Variants in JAM3 observed in about 807,000 individuals in gnomAD.
The protein encoded by JAM3 is junctional adhesion molecule C.
In JAM3, 31 loss-of-function variants were observed where a neutral mutation model predicts 39.4. The observed-to-expected ratio is 0.79, with a 90% confidence interval of 0.59 to 1.06. The LOEUF is 1.06. Ranked by LOEUF, JAM3 falls within the 50% of genes least tolerant of loss-of-function variation. The pLI, the probability that JAM3 is intolerant of heterozygous loss-of-function variation, is 0.00. For synonymous variants in JAM3, 182 were observed against 148.7 expected (o/e 1.22, Z -1.63); for missense variants, 455 against 391.4 (o/e 1.16, Z -1.37).
chr11:134,074,753 G>T (rs1284628300), intron 1 of JAM3, among the ~76,000 whole-genome samples: 1 of 152,124 alleles, frequency 6.6e-6, no homozygotes, highest in African/African-American at 2.4e-5. Context: ...GAAGATCTCT[G>T]TTTTCTTCCT....
chr11:134,107,922 A>C (rs1350529989), intron 1 of JAM3, among the ~76,000 whole-genome samples: 1 of 152,106 alleles, frequency 6.6e-6, no homozygotes, highest in African/African-American at 2.4e-5. Context: ...ACATATTCAA[A>C]GTAAGCAGAA....
intron 1 of JAM3, among the ~76,000 whole-genome samples, chr11:134,104,501 T>A (rs1942142524): frequency 6.6e-6 from 1 of 151,664 alleles, no homozygotes; most frequent in Non-Finnish European, 1.5e-5. Flanking sequence ...AAGAAATAAC[T>A]AAGATCAGAG....
intron 8 of JAM3, 137 bp downstream of exon 8, chr11:134,148,955 A>AAAACAC: frequency 2.9e-6 from 2 of 688,778 alleles, no homozygotes; most frequent in Non-Finnish European, 5.1e-6. Context: ...CCTTCACAGT[A>AAAACAC]ACACACACAC....
At chr11:134,122,217 G>A (rs1308469619) in intron 1 of JAM3, among the ~76,000 whole-genome samples, 5 of 152,114 alleles carry the variant, frequency 3.3e-5, no homozygotes, top group Admixed American at 6.6e-5. Context: ...ACAAGGTCCC[G>A]GTCTGTTCCT....
rs936655460 is a variant in JAM3, at chr11:134,132,478, A to G, written c.77-7373A>G. 2.1e-4 allele frequency among the ~76,000 whole-genome samples: 32 copies of G among 152,344 alleles called. No homozygotes were observed. In the East Asian group the frequency reaches 6.0e-3, roughly 28 times the overall value. On this transcript the variant is annotated intron_variant, in intron 1 of 8. Coordinates refer to ENST00000299106, the MANE Select transcript of JAM3 (RefSeq NM_032801.5). ...TACTTAGACAATAATTCGAAGGTGT[A>G]TGAAGATATTAAGATCTCCGATAAA...
intron 1 of JAM3, among the ~76,000 whole-genome samples, chr11:134,119,232 C>T (rs993133506): frequency 6.6e-6 from 1 of 151,930 alleles, no homozygotes; most frequent in African/African-American, 2.4e-5. Context: ...GGCAAGAAGT[C>T]TTTGGTGGTT....
chr11:134,092,516 C>T (rs985131568), intron 1 of JAM3, among the ~76,000 whole-genome samples: 4 of 146,046 alleles, frequency 2.7e-5, no homozygotes, highest in Admixed American at 2.7e-4. Context: ...TTCTCCTGAG[C>T]CCTCTTTATT....
chr11:134,114,176 G>T (rs1483519374), intron 1 of JAM3, among the ~76,000 whole-genome samples: 3 of 152,164 alleles, frequency 2.0e-5, no homozygotes, highest in Non-Finnish European at 4.4e-5. Context: ...TTCTTTTGCT[G>T]TGCAGAAGCT....
chr11:134,090,303 A>G (rs963130329), intron 1 of JAM3, among the ~76,000 whole-genome samples: 1 of 152,126 alleles, frequency 6.6e-6, no homozygotes, highest in Non-Finnish European at 1.5e-5. Flanking sequence ...GAAGCTCTTT[A>G]GTTTAATTAG....
chr11:134,135,223 A>G (rs1942842880), intron 1 of JAM3, among the ~76,000 whole-genome samples: 1 of 152,230 alleles, frequency 6.6e-6, no homozygotes, highest in Non-Finnish European at 1.5e-5. Context: ...TAACTTCATC[A>G]TTGTGCATGT....
chr11:134,092,958 C>T (rs528487647), intron 1 of JAM3, among the ~76,000 whole-genome samples: 3 of 150,256 alleles, frequency 2.0e-5, no homozygotes, highest in African/African-American at 7.4e-5. Flanking sequence ...CATGTCACTC[C>T]CTGAGAGAAG....
chr11:134,140,850 C>T (rs891171150), intron 3 of JAM3, 80 bp downstream of exon 3: 34 of 1,536,374 alleles, frequency 2.2e-5, no homozygotes, highest in Middle Eastern at 3.8e-4. Context: ...CAGAAACTTA[C>T]CTCAGACTGG....
chr11:134,116,790 A>G (rs894586494), intron 1 of JAM3, among the ~76,000 whole-genome samples: 2 of 152,186 alleles, frequency 1.3e-5, no homozygotes, highest in South Asian at 4.2e-4. Flanking sequence ...CCACGTATAC[A>G]CACATATCTA....
chr11:134,118,173 G>T (rs1027256779), intron 1 of JAM3, among the ~76,000 whole-genome samples: 1 of 152,152 alleles, frequency 6.6e-6, no homozygotes, highest in African/African-American at 2.4e-5. Flanking sequence ...CACATGTTCT[G>T]TGTTTAGTCA....
intron 3 of JAM3, 85 bp from the exon 4 acceptor site, chr11:134,144,156 C>G: frequency 1.5e-6 from 2 of 1,337,262 alleles, no homozygotes; most frequent in African/African-American, 2.9e-5. Context: ...GCTGTGGCAT[C>G]TAGTGCTAGC....
chr11:134,143,344 G>T (rs941997138), intron 3 of JAM3, among the ~76,000 whole-genome samples: 8 of 152,102 alleles, frequency 5.3e-5, no homozygotes, highest in African/African-American at 7.2e-5. Flanking sequence ...GATGTTGAGG[G>T]TCTTATTTGT....
At chr11:134,109,977 C>T (rs954365733) in intron 1 of JAM3, among the ~76,000 whole-genome samples, 3 of 152,138 alleles carry the variant, frequency 2.0e-5, no homozygotes, top group Non-Finnish European at 4.4e-5. Flanking sequence ...TTTATTTTCC[C>T]TTCACATTGC....
intron 1 of JAM3, among the ~76,000 whole-genome samples, chr11:134,112,628 T>C (rs1403972050): frequency 1.3e-5 from 2 of 152,176 alleles, no homozygotes; most frequent in African/African-American, 2.4e-5. Context: ...TATTAACATA[T>C]TCCTCCCAAC....
chr11:134,133,971 G>C (rs1342788371), intron 1 of JAM3, among the ~76,000 whole-genome samples: 1 of 152,072 alleles, frequency 6.6e-6, no homozygotes, highest in African/African-American at 2.4e-5. Context: ...AAACAACTCT[G>C]ATTAATATGC....
Sources: gnomAD v4.1 joint callset for allele counts (sites outside exome capture counted in the v4.1 genomes callset) on GRCh38, gnomAD v4.1.1 for gene constraint, MANE v1.5 for transcripts, NCBI Gene and HGNC (gene_info 2026-07-23, HGNC 2026-07-21) for gene names.